NEXMIF: variants seen among roughly 807,000 people sequenced by gnomAD.
The protein encoded by NEXMIF is XLMR protein related to neurite extension.
In NEXMIF, 8 loss-of-function variants were observed where a neutral mutation model predicts 62.1. That is an observed-to-expected ratio of 0.13 (90% CI 0.08 to 0.23). NEXMIF has a LOEUF of 0.23. Ranked by LOEUF, NEXMIF falls within the 10% of genes least tolerant of loss-of-function variation. The pLI, the probability that NEXMIF is intolerant of heterozygous loss-of-function variation, is 1.00. For synonymous variants in NEXMIF, 404 were observed against 416.6 expected (o/e 0.97, Z 0.37); for missense variants, 976 against 1,113.3 (o/e 0.88, Z 1.75).
rs756639327 is a variant in NEXMIF, at chrX:74,738,857, T to TACACACACAC, written c.*538_*547dup. 9.5e-6 allele frequency: 1 copy of TACACACACAC among 105,266 alleles called. No individual in the cohort carries two copies. The highest frequency in any genetic ancestry group is 3.5e-5 in the African/African-American group (1 of 28,950). The allele number at this position is 105,266 out of a possible 1,213,427, so 8.7% of individuals were successfully genotyped here. A position where few individuals can be genotyped will look rare whatever the true frequency, so the allele number is the denominator to read the frequency against. On this transcript the variant is annotated 3_prime_UTR_variant, in exon 4 of 4. Coordinates refer to ENST00000055682, the MANE Select transcript of NEXMIF (RefSeq NM_001008537.3). Reference sequence around the variant, plus strand: ...GTGTATATATATATATACATATATATACACACACACACACACACACAAACA... The same window carrying TACACACACAC: ...GTGTATATATATATATACATATATATACACACACACACACACACACACACACACACAAACA...
At chrX:74,838,268 C>T (rs2080463483) in intron 1 of NEXMIF, among the ~76,000 whole-genome samples, 1 of 111,343 alleles carries the variant, frequency 9.0e-6, no homozygotes, top group Non-Finnish European at 1.9e-5. Context: ...ATTCTAACTA[C>T]CCTGAACTTG....
intron 1 of NEXMIF, among the ~76,000 whole-genome samples, chrX:74,858,723 TCAGA>T (rs1214132406): frequency 9.0e-6 from 1 of 110,855 alleles, no homozygotes; most frequent in African/African-American, 3.3e-5. Flanking sequence ...ATGTGAACAT[TCAGA>T]CAGAGAGTTC....
intron 1 of NEXMIF, among the ~76,000 whole-genome samples, chrX:74,769,199 CCA>C (rs1371429524): frequency 9.0e-6 from 1 of 110,589 alleles, no homozygotes; most frequent in Non-Finnish European, 1.9e-5. Context: ...CACCTTGGCA[CCA>C]CCTCTTTCCC....
At chrX:74,805,656 T>C (rs1037046249) in intron 1 of NEXMIF, among the ~76,000 whole-genome samples, 32 of 112,078 alleles carry the variant, frequency 2.9e-4, no homozygotes, top group African/African-American at 1.0e-3. Flanking sequence ...TGAGTTAATT[T>C]TTGTATGTGG....
intron 1 of NEXMIF, among the ~76,000 whole-genome samples, chrX:74,863,431 A>G (rs964018781): frequency 1.8e-5 from 2 of 111,625 alleles, no homozygotes; most frequent in African/African-American, 6.5e-5. Flanking sequence ...CAAAAATGAT[A>G]AAGATATCAC....
chrX:74,746,864 T>G (rs2080127474), intron 1 of NEXMIF, among the ~76,000 whole-genome samples: 1 of 112,906 alleles, frequency 8.9e-6, no homozygotes, highest in African/African-American at 3.2e-5. Context: ...ATATGAGATC[T>G]GATTTGATGC....
rs1015648046 is a variant in NEXMIF at position 74,733,437 on chromosome X, G to A, written c.*5968C>T. 9.0e-6 allele frequency: 1 copy of A among 111,593 alleles called. No individual in the cohort carries two copies. Among genetic ancestry groups the A allele is most frequent in the African/African-American group, 3.3e-5 (1 of 30,637 alleles). The allele number at this position is 111,593 out of a possible 1,213,427, so 9.2% of individuals were successfully genotyped here. Reference sequence around the variant, plus strand: ...TTTTATAATAGTATTGGTCTGTGATGGATTGCAAAAACTATTGGTCCCTCA... The same window carrying A: ...TTTTATAATAGTATTGGTCTGTGATAGATTGCAAAAACTATTGGTCCCTCA... On this transcript the variant is annotated 3_prime_UTR_variant, in exon 4 of 4. Transcript: ENST00000055682.
At chrX:74,772,700 T>C (rs1415409931) in intron 1 of NEXMIF, among the ~76,000 whole-genome samples, 1 of 112,335 alleles carries the variant, frequency 8.9e-6, no homozygotes, top group Non-Finnish European at 1.9e-5. Flanking sequence ...ATCTTTAGAG[T>C]CATCTGTTCC....
At chrX:74,920,998 T>A (rs1205360581) in intron 1 of NEXMIF, among the ~76,000 whole-genome samples, 1 of 111,580 alleles carries the variant, frequency 9.0e-6, no homozygotes, top group African/African-American at 3.3e-5. Context: ...AGTAGATAAT[T>A]GTTTACATCA....
chrX:74,901,714 C>T (rs2080750168), intron 1 of NEXMIF, among the ~76,000 whole-genome samples: 1 of 111,482 alleles, frequency 9.0e-6, no homozygotes, highest in African/African-American at 3.3e-5. Flanking sequence ...TACTCCTACC[C>T]CTTCCCTTCT....
At chrX:74,796,190 T>A (rs753794977) in intron 1 of NEXMIF, among the ~76,000 whole-genome samples, 31 of 56,680 alleles carry the variant, frequency 5.5e-4, no homozygotes, top group African/African-American at 1.8e-3. Flanking sequence ...TACATATATA[T>A]TATATATATA....
intron 1 of NEXMIF, among the ~76,000 whole-genome samples, chrX:74,876,457 T>C (rs1011373544): frequency 9.0e-6 from 1 of 111,295 alleles, no homozygotes; most frequent in Non-Finnish European, 1.9e-5. Context: ...CTGAAAAAAA[T>C]GTATATTCTG....
chrX:74,787,262 G>A (rs1300963080), intron 1 of NEXMIF, among the ~76,000 whole-genome samples: 4 of 100,566 alleles, frequency 4.0e-5, no homozygotes, highest in African/African-American at 1.1e-4. Context: ...CAGTCTGGGC[G>A]ACAGAGCGAG....
intron 1 of NEXMIF, among the ~76,000 whole-genome samples, chrX:74,756,362 T>C (rs778840311): frequency 8.9e-6 from 1 of 112,332 alleles, no homozygotes; most frequent in South Asian, 3.7e-4. Context: ...CTTTTACAAC[T>C]GCTGTTTAAT....
Position 74,749,891 on chromosome X carries a change from A to G in NEXMIF, c.-47-4194T>C, listed in dbSNP as rs188548001. ...GGTATGTACTTTATAAAAACTGGTT[A>G]AACAATGATGTTGAATGGTAGGAAA... On this transcript the variant is annotated intron_variant, in intron 1 of 3. Transcript: ENST00000055682. Among the ~76,000 whole-genome samples, 322 of 112,324 alleles carry G rather than the reference A, an allele frequency of 2.9e-3. 3 individuals are homozygous for G. Among genetic ancestry groups the G allele is most frequent in the African/African-American group, 9.6e-3 (298 of 30,931 alleles).
chrX:74,902,789 C>CA (rs1338424393), intron 1 of NEXMIF, among the ~76,000 whole-genome samples: 1 of 111,805 alleles, frequency 8.9e-6, no homozygotes, highest in Non-Finnish European at 1.9e-5. Flanking sequence ...TTTGGATAGG[C>CA]AAAAAATGGC....
intron 1 of NEXMIF, among the ~76,000 whole-genome samples, chrX:74,805,122 G>A (rs1209571552): frequency 8.9e-6 from 1 of 112,266 alleles, no homozygotes; most frequent in Non-Finnish European, 1.9e-5. Flanking sequence ...GGACATAGAG[G>A]AGGGGTCATA....
At chrX:74,857,375 C>T (rs1224419804) in intron 1 of NEXMIF, among the ~76,000 whole-genome samples, 1 of 112,194 alleles carries the variant, frequency 8.9e-6, no homozygotes, top group Admixed American at 9.4e-5. Context: ...CAGTTCCAGG[C>T]CCTAGCTCCT....
At chrX:74,873,834 G>T (rs1483474354) in intron 1 of NEXMIF, among the ~76,000 whole-genome samples, 2 of 111,047 alleles carry the variant, frequency 1.8e-5, no homozygotes, top group African/African-American at 3.3e-5. Flanking sequence ...CTTTTTGATG[G>T]GGTTGTTTGT....
Sources: gnomAD v4.1 joint callset for allele counts (sites outside exome capture counted in the v4.1 genomes callset) on GRCh38, gnomAD v4.1.1 for gene constraint, MANE v1.5 for transcripts, NCBI Gene and HGNC (gene_info 2026-07-23, HGNC 2026-07-21) for gene names.